ARID3C: variants seen among roughly 807,000 people sequenced by gnomAD.
ARID3C encodes the protein AT-rich interaction domain 3C, also known as AT-rich interactive domain-containing protein 3C.
ARID3C carries 42 observed loss-of-function variants against 37.9 expected under a neutral mutation model. That is an observed-to-expected ratio of 1.11 (90% CI 0.87 to 1.43). ARID3C has a LOEUF of 1.43. Among genes scored for constraint, ARID3C ranks in the 40% most tolerant of loss-of-function variants. The pLI is 0.00. For missense variants in ARID3C, 581 were observed against 548.8 expected (o/e 1.06, Z -0.59); for synonymous variants, 213 against 228.0 (o/e 0.93, Z 0.59).
chr9:34,628,933 G>A (rs1341249256), upstream of ARID3C, among the ~76,000 whole-genome samples: 1 of 152,028 alleles, frequency 6.6e-6, no homozygotes, highest in Non-Finnish European at 1.5e-5. This position sits in a 1 kb window ranked among gnomAD's most constrained non-coding sequence, Gnocchi z 5.2. Context: ...GGCGTGGCCC[G>A]CTGCCCCTGG....
At chr9:34,623,805 C>G (rs925748238) in intron 3 of ARID3C, 59 bp downstream of exon 4, 205 of 1,507,882 alleles carry the variant, frequency 1.4e-4, no homozygotes, top group Admixed American at 1.6e-4. Context: ...GACCCTCCCC[C>G]CTCCCGCCCC....
In ARID3C at chr9:34,625,722, C is replaced by T. The variant is rs537949442; in HGVS notation, c.391+20G>A. 1 of 1,613,554 alleles carries T rather than the reference C, an allele frequency of 6.2e-7. No homozygotes were observed. The highest frequency in any genetic ancestry group is 1.3e-5 in the African/African-American group (1 of 75,026). On this transcript the variant is annotated intron_variant, in intron 2 of 6. Transcript: ENST00000378909. ...TAAGGGGGCAATTCCAGGGCCCTTC[C>T]CCCACATCATGCCACTCACCCCTCT...
At chr9:34,626,978 C>T (rs547436890) in intron 1 of ARID3C, among the ~76,000 whole-genome samples, 2 of 152,306 alleles carry the variant, frequency 1.3e-5, no homozygotes, top group South Asian at 2.1e-4. Context: ...CTTAGAATAA[C>T]ACCCAGAAGG....
chr9:34,623,963 C>G, exon 3 of ARID3C: 1 of 1,605,370 alleles, frequency 6.2e-7, no homozygotes, highest in Non-Finnish European at 8.5e-7. Context: ...TTCCACCAGG[C>G]CGCCCTTGGC....
chr9:34,622,675 T>C, intron 4 of ARID3C, 146 bp from the exon 6 acceptor site: 1 of 851,276 alleles, frequency 1.2e-6, no homozygotes, highest in African/African-American at 1.7e-5. Context: ...ATCCAGAGCC[T>C]CAGCCTGGAA....
intron 3 of ARID3C, 69 bp downstream of exon 4, chr9:34,623,795 G>GTCCCCCC: frequency 6.6e-7 from 1 of 1,504,674 alleles, no homozygotes; most frequent in Non-Finnish European, 8.9e-7. Flanking sequence ...CCCGCCCGGG[G>GTCCCCCC]ACCCTCCCCC....
chr9:34,625,751 G>A lies in ARID3C; in HGVS notation c.382C>T (p.Gln128Ter). 1 of 1,613,980 alleles carries A rather than the reference G, an allele frequency of 6.2e-7. No individual in the cohort carries two copies. The highest frequency in any genetic ancestry group is 8.5e-7 in the Non-Finnish European group (1 of 1,179,892). Residue 128 changes from glutamine to a stop codon, truncating the protein, a stop_gained, in exon 2 of 7, where the codon CAA (glutamine) becomes TAA (stop). Coordinates refer to ENST00000378909, the Ensembl canonical transcript of ARID3C. LOFTEE classifies it high-confidence loss of function. ...ACATCATGCCACTCACCCCTCTTTT[G>A]CATGAAGCTAAACAGGTCATCCAGA...
exon 2 of ARID3C, chr9:34,625,812 C>A (rs769265001): frequency 6.2e-7 from 1 of 1,613,958 alleles, no homozygotes. Context: ...CGAGCTCATA[C>A]AGCTGGGGAA....
intron 4 of ARID3C, 71 bp downstream of exon 5, chr9:34,623,354 A>C: frequency 7.0e-7 from 1 of 1,426,534 alleles, no homozygotes; most frequent in Non-Finnish European, 9.2e-7. Context: ...CTCACATTTT[A>C]ATGGTTGCTA....
At chr9:34,629,673 A>G (rs777140782), upstream of ARID3C, among the ~76,000 whole-genome samples, 2 of 152,242 alleles carry the variant, frequency 1.3e-5, no homozygotes, top group African/African-American at 2.4e-5. Context: ...CACTCACCGC[A>G]TGCAGATACA....
upstream of ARID3C, among the ~76,000 whole-genome samples, chr9:34,631,028 G>A (rs895252880): frequency 1.3e-5 from 2 of 152,176 alleles, no homozygotes; most frequent in African/African-American, 4.8e-5. Flanking sequence ...AGACAGACAT[G>A]CCCTGGAAGT....
At chr9:34,622,902 C>T (rs1050734065) in intron 4 of ARID3C, among the ~76,000 whole-genome samples, 1 of 152,118 alleles carries the variant, frequency 6.6e-6, no homozygotes, top group African/African-American at 2.4e-5. Flanking sequence ...AATCCCAACA[C>T]TTTGGGAAGC....
chr9:34,627,969 C>T (rs1442897978), exon 1 of ARID3C: 5 of 1,529,504 alleles, frequency 3.3e-6, no homozygotes, highest in Non-Finnish European at 4.4e-6. Context: ...AATGGCCCCA[C>T]CCCCTGGGCC....
chr9:34,625,206 C>T (rs1820638753), intron 2 of ARID3C, among the ~76,000 whole-genome samples: 1 of 152,160 alleles, frequency 6.6e-6, no homozygotes, highest in Admixed American at 6.5e-5. Flanking sequence ...AAGTGATGGA[C>T]TGCCGCCCAC....
chr9:34,625,616 CG>C (rs1271190328), intron 2 of ARID3C, 125 bp downstream of exon 3: 5 of 791,050 alleles, frequency 6.3e-6, no homozygotes, highest in Non-Finnish European at 7.8e-6. Context: ...AGGTTAAAGA[CG>C]CTATCGAGGG....
chr9:34,623,490 T>C, exon 4 of ARID3C: 1 of 1,545,156 alleles, frequency 6.5e-7, no homozygotes, highest in Non-Finnish European at 8.7e-7. Context: ...GGTGGAACCC[T>C]GGGCTGGGCC....
chr9:34,631,015 G>A (rs1820718691), upstream of ARID3C, among the ~76,000 whole-genome samples: 1 of 152,188 alleles, frequency 6.6e-6, no homozygotes, highest in South Asian at 2.1e-4. Flanking sequence ...GAATGTGCCA[G>A]GCAGACAGAC....
At chr9:34,629,283 C>T (rs1375229876), upstream of ARID3C, among the ~76,000 whole-genome samples, 1 of 152,126 alleles carries the variant, frequency 6.6e-6, no homozygotes. Flanking sequence ...GAGCCCCGCC[C>T]AGCCTCACAA....
At chr9:34,628,691 G>C (rs955739150), upstream of ARID3C, among the ~76,000 whole-genome samples, 1 of 152,270 alleles carries the variant, frequency 6.6e-6, no homozygotes, top group Non-Finnish European at 1.5e-5. This position sits in a 1 kb window ranked among gnomAD's most constrained non-coding sequence, Gnocchi z 5.2. Context: ...AGCAGGAAAC[G>C]GACAGAAGAG....
Sources: gnomAD v4.1 joint callset for allele counts (sites outside exome capture counted in the v4.1 genomes callset) on GRCh38, gnomAD v4.1.1 for gene constraint, Gnocchi (gnomAD v3.1) non-coding constraint, MANE v1.5 for transcripts, NCBI Gene and HGNC (gene_info 2026-07-23, HGNC 2026-07-21) for gene names.